Variants in ENO1 observed in about 807,000 individuals in gnomAD.
ENO1 encodes alpha-enolase.
Under a neutral mutation model 46.3 loss-of-function variants are expected in ENO1, and 33 were observed. The ratio of observed to expected loss-of-function variants is 0.71; its 90% confidence interval spans 0.54 to 0.95. ENO1 has a LOEUF of 0.95. Among genes scored for constraint, ENO1 ranks in the 40% least tolerant of loss-of-function variants. The probability of loss-of-function intolerance (pLI) is 0.00; values close to 1 mark genes in which losing one functional copy is unlikely to be tolerated. For missense variants in ENO1, 488 were observed against 553.3 expected (o/e 0.88, Z 1.18); for synonymous variants, 220 against 216.0 (o/e 1.02, Z -0.16).
chr1:8,872,033 C>A, intron 2 of ENO1, 47 bp from the exon 3 acceptor site: 2 of 1,528,786 alleles, frequency 1.3e-6, no homozygotes, highest in South Asian at 2.2e-5. Flanking sequence ...AAATCCAGTT[C>A]CAGCACAATC....
chr1:8,870,733 C>A, intron 3 of ENO1: 20 of 1,428,476 alleles, frequency 1.4e-5, no homozygotes, highest in Non-Finnish European at 1.6e-5. Context: ...CACAAAACAG[C>A]AGCTGGCTCA....
intron 1 of ENO1, chr1:8,877,706 AC>A (rs1642763916): frequency 9.6e-6 from 1 of 104,182 alleles, no homozygotes; most frequent in South Asian, 2.8e-4. Flanking sequence ...AACAACAACA[AC>A]AACAAAAAAA....
chr1:8,868,995 A>G (rs971970892), intron 4 of ENO1, among the ~76,000 whole-genome samples: 1 of 152,206 alleles, frequency 6.6e-6, no homozygotes, highest in African/African-American at 2.4e-5. Context: ...GCCAAAAATC[A>G]GCATTCCATT....
intron 3 of ENO1, chr1:8,871,444 C>G: frequency 1.0e-6 from 1 of 999,168 alleles, no homozygotes; most frequent in Non-Finnish European, 1.2e-6. Flanking sequence ...CTAAATGACA[C>G]ACCTGCAGCT....
At chr1:8,866,546 C>T (rs145794095) in intron 6 of ENO1, 45 bp from the exon 7 acceptor site, 1 of 1,598,552 alleles carries the variant, frequency 6.3e-7, no homozygotes, top group South Asian at 1.1e-5. Flanking sequence ...GTCCAGAGAG[C>T]CCCACAGGGC....
chr1:8,870,270 G>T, intron 4 of ENO1, 182 bp downstream of exon 4: 1 of 675,390 alleles, frequency 1.5e-6, no homozygotes, highest in Non-Finnish European at 2.4e-6. Context: ...GCTCCCAAAA[G>T]TGGGGTGAGG....
intron 3 of ENO1, 165 bp from the exon 4 acceptor site, chr1:8,870,675 C>A: frequency 6.8e-7 from 1 of 1,477,012 alleles, no homozygotes; most frequent in East Asian, 2.5e-5. Context: ...GAGGACTTTC[C>A]GGCCCAGTCT....
At position 8,867,208 on chromosome 1, in the gene ENO1, AC is replaced by A; in HGVS notation, c.352del (p.Val118SerfsTer52). 6.2e-7 allele frequency: 1 copy of A among 1,614,170 alleles called. No individual in the cohort carries two copies. Among genetic ancestry groups the A allele is most frequent in the African/African-American group, 1.3e-5 (1 of 75,054 alleles). On this transcript the variant is annotated frameshift_variant, in exon 6 of 12. Transcript: ENST00000234590. LOFTEE classifies it high-confidence loss of function. ...ANAILGVSLA[V>X]CKAGAVEKGV... Reference sequence around the variant, plus strand: ...CTTCTCAACGGCACCAGCTTTGCAGACGGCAAGGGACACCCCCAGAATGGCG... The same window carrying A: ...CTTCTCAACGGCACCAGCTTTGCAGAGGCAAGGGACACCCCCAGAATGGCG...
Position 8,871,845 on chromosome 1 carries a change from G to A in ENO1, c.181+46C>T, listed in dbSNP as rs749167300. 6.6e-5 allele frequency: 105 copies of A among 1,593,806 alleles called. 1 individual carries two copies. Among genetic ancestry groups the A allele is most frequent in the Non-Finnish European group, 8.7e-5 (101 of 1,163,238 alleles). On this transcript the variant is annotated intron_variant, in intron 3 of 11. Coordinates refer to ENST00000234590, the MANE Select transcript of ENO1 (RefSeq NM_001428.5). ...GACAGGACTGGGCAAGGCCAGGAATGGGGCTGGAAGCAGGGAGGCCATGGG... is the reference window on the plus strand; with the variant it reads ...GACAGGACTGGGCAAGGCCAGGAATAGGGCTGGAAGCAGGGAGGCCATGGG...
At chr1:8,876,169 AG>A (rs1469603334) in intron 1 of ENO1, 7 of 152,186 alleles carry the variant, frequency 4.6e-5, no homozygotes, top group Admixed American at 2.0e-4. Context: ...GGTGGGTGAG[AG>A]GAACTTAGTG....
Position 8,874,924 on chromosome 1 carries a change from A to G in ENO1, c.-9-7T>C. ...GAATAGACATGGTGAACTTCTGTAG[A>G]AGAAACACACAGTTCATGTTTTCCA... On this transcript the variant is annotated splice_polypyrimidine_tract_variant and splice_region_variant and intron_variant, in intron 1 of 11. Coordinates refer to ENST00000234590, the MANE Select transcript of ENO1 (RefSeq NM_001428.5). 1 of 1,607,110 alleles carries G rather than the reference A, an allele frequency of 6.2e-7. No homozygotes were observed. Among genetic ancestry groups the G allele is most frequent in the African/African-American group, 1.3e-5 (1 of 74,844 alleles).
Position 8,867,296 on chromosome 1 carries a change from C to T in ENO1, c.311-46G>A, listed in dbSNP as rs200899556. On this transcript the variant is annotated intron_variant, in intron 5 of 11. Transcript: ENST00000234590. ...GTGGAATGAAGTCATTTCTGATTCA[C>T]CAGCTTTTCTCCTGCTGTACTGCCC... 6.9e-4 allele frequency: 1,117 copies of T among 1,607,934 alleles called. 2 individuals are homozygous for T. The highest frequency in any genetic ancestry group is 8.6e-4 in the Non-Finnish European group (1,014 of 1,175,190).
intron 2 of ENO1, among the ~76,000 whole-genome samples, chr1:8,874,577 C>CAAAAAAAAAAAAAAA (rs140269736): frequency 2.5e-4 from 13 of 51,580 alleles, no homozygotes; most frequent in African/African-American, 2.8e-4. Flanking sequence ...GACTCCATCT[C>CAAAAAAAAAAAAAAA]AAAAAAAAAA....
chr1:8,867,597 C>T (rs1642549171), intron 5 of ENO1, among the ~76,000 whole-genome samples: 1 of 151,920 alleles, frequency 6.6e-6, no homozygotes, highest in Non-Finnish European at 1.5e-5. Flanking sequence ...ACTCTATTGC[C>T]CAGGCTGCAG....
chr1:8,865,287 G>A lies in ENO1; in HGVS notation c.863C>T (p.Pro288Leu), dbSNP rs889472772. Residue 288 changes from proline (P) to leucine (L), a missense_variant and splice_region_variant, in exon 8 of 12, where the codon CCA becomes CTA. Transcript: ENST00000234590. ...GATGGCACTCGGGGAACACTCACCTGGGTAGTCCTTGATGAAGGACTTGTA... is the reference window on the plus strand; with the variant it reads ...GATGGCACTCGGGGAACACTCACCTAGGTAGTCCTTGATGAAGGACTTGTA... ...DLYKSFIKDYPVVSIEDPFDQ... is the reference protein window; with the variant it reads ...DLYKSFIKDYLVVSIEDPFDQ... 6 of 1,613,936 alleles carry A rather than the reference G, an allele frequency of 3.7e-6. No individual in the cohort carries two copies. The African/African-American group carries it at 8.0e-5, about 22-fold the overall frequency.
At chr1:8,862,371 A>G (rs1642422720) in intron 11 of ENO1, among the ~76,000 whole-genome samples, 1 of 148,904 alleles carries the variant, frequency 6.7e-6, no homozygotes, top group African/African-American at 2.5e-5. Context: ...GGGAGAACTT[A>G]GCGGGGTGGC....
Position 8,861,046 on chromosome 1 carries a change from CGGGGA to C in ENO1, c.*309_*313del, listed in dbSNP as rs1642390300. Reference sequence around the variant, plus strand: ...CTTTTTATTTTGAGCACAAAACCACCGGGGATCTAGCCTGTGGCCACCCCGGAGAT... The same window carrying C: ...CTTTTTATTTTGAGCACAAAACCACCTCTAGCCTGTGGCCACCCCGGAGAT... On this transcript the variant is annotated 3_prime_UTR_variant, in exon 12 of 12. Transcript: ENST00000234590. 1 of 298,066 alleles carries C rather than the reference CGGGGA, an allele frequency of 3.4e-6. No individual in the cohort carries two copies. The highest frequency in any genetic ancestry group is 6.3e-6 in the Non-Finnish European group (1 of 159,368). The allele number at this position is 298,066 out of a possible 1,614,324, so 18.5% of individuals were successfully genotyped here.
chr1:8,866,559 T>A, intron 6 of ENO1, 58 bp from the exon 7 acceptor site: 1 of 1,573,320 alleles, frequency 6.4e-7, no homozygotes, highest in Non-Finnish European at 8.7e-7. Flanking sequence ...CACAGGGCAG[T>A]AAGCCCCTCT....
At chr1:8,865,840 C>T (rs1169776867) in intron 7 of ENO1, among the ~76,000 whole-genome samples, 1 of 151,282 alleles carries the variant, frequency 6.6e-6, no homozygotes, top group Non-Finnish European at 1.5e-5. Flanking sequence ...AAGCGGGGTC[C>T]AAGAGAAAGC....
Sources: gnomAD v4.1 joint callset for allele counts (sites outside exome capture counted in the v4.1 genomes callset) on GRCh38, gnomAD v4.1.1 for gene constraint, MANE v1.5 for transcripts, NCBI Gene and HGNC (gene_info 2026-07-23, HGNC 2026-07-21) for gene names.